The following MATN3 variants were observed in gnomAD, a reference collection of about 807,000 sequenced individuals.
The protein encoded by MATN3 is matrilin-3.
A neutral mutation model predicts 45.3 loss-of-function variants in MATN3; 48 were observed. The observed-to-expected ratio is 1.06, with a 90% confidence interval of 0.84 to 1.35. The LOEUF is 1.35. MATN3 is among the 40% of genes most tolerant of loss of function. The pLI, the probability that MATN3 is intolerant of heterozygous loss-of-function variation, is 0.00. For missense variants in MATN3, 599 were observed against 628.0 expected, an observed-to-expected ratio of 0.95 and a Z score of 0.49; for synonymous variants, 217 against 245.9, an observed-to-expected ratio of 0.88 and a Z score of 1.10.
Position 20,012,418 on chromosome 2 carries a change from G to A in MATN3, c.214C>T (p.Arg72Cys), listed in dbSNP as rs1411936036. Residue 72 changes from arginine to cysteine, a missense_variant, in exon 1 of 8, where the codon CGC (arginine) becomes TGC (cysteine). Physicochemically the swap from Arg to Cys is radical, Grantham distance 180. Transcript: ENST00000407540. The surrounding 1 kb of genome is among the most constrained non-coding windows in gnomAD (Gnocchi z 4.3). Reference sequence around the variant, plus strand: ...CGCCGCCCGCCTGTACCTGCACCGCGGGCGCGGCCAGGCTCGCTGGTCCCG... The same window carrying A: ...CGCCGCCCGCCTGTACCTGCACCGCAGGCGCGGCCAGGCTCGCTGGTCCCG... ...ASGTSEPGRA[R>C]GAGVCKSRPL... 2 of 1,229,338 alleles carry A rather than the reference G, an allele frequency of 1.6e-6. No homozygotes were observed. The highest frequency in any genetic ancestry group is 3.1e-4 in the Middle Eastern group (1 of 3,198). The allele number at this position is 1,229,338 out of a possible 1,614,324, so 76.2% of individuals were successfully genotyped here. A position where few individuals can be genotyped will look rare whatever the true frequency, so the allele number is the denominator to read the frequency against.
chr2:20,012,652 T>TGGTGTCCGTCGGGGGCCA lies in MATN3; in HGVS notation c.-22_-21insTGGCCCCCGACGGACACC. ...GGCATGGTGGGCTCCGTGGGCCTGG[T>TGGTGTCCGTCGGGGGCCA]GGTGTCCGTCGGGGGCCAGGAGCCC... On this transcript the variant is annotated 5_prime_UTR_variant, in exon 1 of 8. Transcript: ENST00000407540. This position sits in a 1 kb window ranked among gnomAD's most constrained non-coding sequence, Gnocchi z 4.3. 8.6e-7 allele frequency: 1 copy of TGGTGTCCGTCGGGGGCCA among 1,158,282 alleles called. No individual in the cohort carries two copies. Among genetic ancestry groups the TGGTGTCCGTCGGGGGCCA allele is most frequent in the Non-Finnish European group, 1.1e-6 (1 of 926,300 alleles). 71.8% of individuals were successfully genotyped at this position (1,158,282 alleles called of 1,614,324 possible).
intron 5 of MATN3, among the ~76,000 whole-genome samples, chr2:19,999,649 AAGAG>A (rs1226100064): frequency 6.9e-6 from 1 of 145,150 alleles, no homozygotes; most frequent in Non-Finnish European, 1.5e-5. Context: ...AAAAAAAAAA[AAGAG>A]GGGACTGGGT....
intron 1 of MATN3, among the ~76,000 whole-genome samples, chr2:20,010,023 C>CCATGGTCA (rs1370281667): frequency 7.9e-6 from 1 of 126,928 alleles, no homozygotes; most frequent in East Asian, 2.6e-4. Flanking sequence ...GTGTCACAGA[C>CCATGGTCA]CATGGTCACT....
In MATN3 at chr2:20,012,269, T is replaced by TC; in HGVS notation, c.223+139dup. 1 of 550,546 alleles carries TC rather than the reference T, an allele frequency of 1.8e-6. No individual in the cohort carries two copies. The highest frequency in any genetic ancestry group is 2.7e-6 in the Non-Finnish European group (1 of 368,536). 34.1% of individuals were successfully genotyped at this position (550,546 alleles called of 1,614,324 possible). On this transcript the variant is annotated intron_variant, in intron 1 of 7. Transcript: ENST00000407540. This position sits in a 1 kb window ranked among gnomAD's most constrained non-coding sequence, Gnocchi z 4.3. ...CCCTCCCCTTCTCTGGACCTCAGTT[T>TC]CCCCCACAGGATTCATCCGGGAGGG...
chr2:19,993,291 T>G (rs1672796433), intron 7 of MATN3, 125 bp from the exon 8 acceptor site: 5 of 773,852 alleles, frequency 6.5e-6, no homozygotes, highest in South Asian at 1.7e-5. Context: ...AGCAAAACTG[T>G]TTTCTCACCA....
chr2:19,993,235 C>T (rs1672795428), intron 7 of MATN3, 69 bp from the exon 8 acceptor site: 1 of 1,123,106 alleles, frequency 8.9e-7, no homozygotes, highest in Admixed American at 1.9e-5. Context: ...CTTTCAAACA[C>T]TTCACAAGAT....
At chr2:20,006,538 C>G (rs983738075) in intron 1 of MATN3, among the ~76,000 whole-genome samples, 2 of 152,220 alleles carry the variant, frequency 1.3e-5, no homozygotes, top group Admixed American at 6.5e-5. Flanking sequence ...AATACCTCAC[C>G]TGCAGGCTGG....
At chr2:20,000,680 A>C in intron 4 of MATN3, 114 bp from the exon 5 acceptor site, 3 of 995,852 alleles carry the variant, frequency 3.0e-6, no homozygotes, top group Non-Finnish European at 4.3e-6. Flanking sequence ...ACTGGAAACT[A>C]TTCAAAGCCA....
At chr2:20,003,626 T>G (rs1673035016) in intron 2 of MATN3, among the ~76,000 whole-genome samples, 1 of 152,144 alleles carries the variant, frequency 6.6e-6, no homozygotes, top group South Asian at 2.1e-4. Context: ...GATTTGTGCT[T>G]CCCCACCACA....
intron 1 of MATN3, among the ~76,000 whole-genome samples, chr2:20,010,067 T>TTAAAAAAAAAA (rs1673188698): frequency 2.9e-5 from 2 of 68,706 alleles, no homozygotes; most frequent in Admixed American, 1.8e-4. Flanking sequence ...CTTCAAATAC[T>TTAAAAAAAAAA]AAAAAAAAAA....
rs1673235382 is a variant in MATN3 at position 20,012,404 on chromosome 2, T to C, written c.223+5A>G. The C allele has an allele frequency of 8.1e-7, 1 of 1,229,120 alleles. No homozygotes were observed. The highest frequency in any genetic ancestry group is 1.0e-6 in the Non-Finnish European group (1 of 986,334). The allele number at this position is 1,229,120 out of a possible 1,614,324, so 76.1% of individuals were successfully genotyped here. ...TCACGCGTCCCTCCCGCCGCCCGCC[T>C]GTACCTGCACCGCGGGCGCGGCCAG... is the stretch of plus-strand genomic sequence containing the variant. On this transcript the variant is annotated splice_donor_5th_base_variant and intron_variant, in intron 1 of 7. Coordinates refer to ENST00000407540, the MANE Select transcript of MATN3 (RefSeq NM_002381.5). The surrounding 1 kb of genome is among the most constrained non-coding windows in gnomAD (Gnocchi z 4.3).
rs1433551841 is a variant in MATN3, at chr2:19,995,472, AAG to A, written c.1295-1065_1295-1064del. Among the ~76,000 whole-genome samples the A allele has an allele frequency of 6.6e-6, 1 of 152,220 alleles. No individual in the cohort carries two copies. Among genetic ancestry groups the A allele is most frequent in the Non-Finnish European group, 1.5e-5 (1 of 68,042 alleles). On this transcript the variant is annotated intron_variant, in intron 6 of 7. Transcript: ENST00000407540. The surrounding 1 kb of genome is among the most constrained non-coding windows in gnomAD (Gnocchi z 4.2). The stretch of plus-strand genomic sequence containing the variant: ...CGTCTCAAAAAACAAAACAAAAAAA[AAG>A]GATAAAAACCAGGTTAAGTCCTGAT...
intron 2 of MATN3, among the ~76,000 whole-genome samples, 162 bp from the exon 3 acceptor site, chr2:20,003,448 A>G (rs774628081): frequency 1.3e-5 from 2 of 152,250 alleles, no homozygotes; most frequent in Non-Finnish European, 2.9e-5. Context: ...CTTATTAGCA[A>G]TGCTACTCTT....
rs776337351 is a variant in MATN3, at chr2:19,995,502, C to T, written c.1295-1093G>A. On this transcript the variant is annotated intron_variant, in intron 6 of 7. Coordinates refer to ENST00000407540, the MANE Select transcript of MATN3 (RefSeq NM_002381.5). This position sits in a 1 kb window ranked among gnomAD's most constrained non-coding sequence, Gnocchi z 4.2. ...TAAAAACCAGGTTAAGTCCTGATTT[C>T]CTCTAGAGGACTGTTATTCTATTTA... Among the ~76,000 whole-genome samples the T allele has an allele frequency of 2.6e-5, 4 of 152,248 alleles. No individual in the cohort carries two copies. Among genetic ancestry groups the T allele is most frequent in the Non-Finnish European group, 5.9e-5 (4 of 68,020 alleles).
rs1463505073 is a variant in MATN3, at chr2:20,003,232, T to A, written c.845A>T (p.Asp282Val). ...THQCQHVCIS[D>V]GEGKHHCECS... ...CTCACAGTGGTGCTTGCCTTCCCCATCACTGATGCAGACGTGCTGGCACTG... is the reference window on the plus strand; with the variant it reads ...CTCACAGTGGTGCTTGCCTTCCCCAACACTGATGCAGACGTGCTGGCACTG... The change falls in exon 3 of 8, where the codon GAT (aspartate) becomes GTT (valine). Residue 282 changes from aspartate (D) to valine (V), a missense_variant. Asp to Val is a radical substitution (Grantham distance 152). Transcript: ENST00000407540. The A allele has an allele frequency of 6.2e-7, 1 of 1,613,838 alleles. No homozygotes were observed. The highest frequency in any genetic ancestry group is 8.5e-7 in the Non-Finnish European group (1 of 1,179,842).
Position 19,997,262 on chromosome 2 carries a change from G to C in MATN3, c.1169-3C>G. The stretch of plus-strand genomic sequence containing the variant: ...GCCTAGGGCACACTTGTCACGGACT[G>C]ACCGCACGTGGTGCAGGAAAGAAAA... On this transcript the variant is annotated splice_polypyrimidine_tract_variant and splice_region_variant and intron_variant, in intron 5 of 7. Transcript: ENST00000407540. 6.2e-7 allele frequency: 1 copy of C among 1,600,056 alleles called. No homozygotes were observed. Among genetic ancestry groups the C allele is most frequent in the Non-Finnish European group, 8.5e-7 (1 of 1,175,268 alleles).
chr2:20,001,863 C>T (rs923221787), intron 4 of MATN3, 92 bp downstream of exon 4: 65 of 1,292,522 alleles, frequency 5.0e-5, no homozygotes, highest in Middle Eastern at 1.9e-4. Flanking sequence ...GGAAAACACA[C>T]CAACTTCCCA....
chr2:20,003,141 GC>G lies in MATN3; in HGVS notation c.916+19del. 3 of 1,612,810 alleles carry G rather than the reference GC, an allele frequency of 1.9e-6. No individual in the cohort carries two copies. Among genetic ancestry groups the G allele is most frequent in the Non-Finnish European group, 1.7e-6 (2 of 1,179,120 alleles). ...TTCCCAAGTATTTGATTCAGTCACG[GC>G]CCCCTACACAGGCCTCACCTGAACA... On this transcript the variant is annotated intron_variant, in intron 3 of 7. Transcript: ENST00000407540.
chr2:20,003,188 A>G lies in MATN3; in HGVS notation c.889T>C (p.Leu297=). ...HHCECSQGYT[L]NADKKTCSAL... ...GAACACGTTTTCTTGTCGGCATTCA[A>G]GGTGTATCCTTGGCTACACTCACAG... is the stretch of plus-strand genomic sequence containing the variant. Residue 297 remains leucine, a synonymous_variant, in exon 3 of 8, where the codon TTG becomes CTG. Transcript: ENST00000407540. 1 of 1,614,006 alleles carries G rather than the reference A, an allele frequency of 6.2e-7. No homozygotes were observed. Among genetic ancestry groups the G allele is most frequent in the Non-Finnish European group, 8.5e-7 (1 of 1,179,864 alleles).
Sources: allele counts gnomAD v4.1 joint callset (sites outside exome capture counted in the v4.1 genomes callset), GRCh38; gene constraint gnomAD v4.1.1; non-coding constraint Gnocchi (gnomAD v3.1); transcripts MANE v1.5; gene names NCBI Gene and HGNC (gene_info 2026-07-23, HGNC 2026-07-21).